Variants in ZFHX3 observed in about 807,000 individuals in gnomAD.
ZFHX3 encodes zinc finger homeobox 3.
A neutral mutation model predicts 279.1 loss-of-function variants in ZFHX3; 42 were observed. The observed-to-expected ratio is 0.15, with a 90% CI of 0.12 to 0.19. ZFHX3 has a LOEUF of 0.19. ZFHX3 is among the 10% of genes least tolerant of loss of function. The probability of loss-of-function intolerance (pLI) is 1.00; values close to 1 mark genes in which losing one functional copy is unlikely to be tolerated. For synonymous variants in ZFHX3, 2,293 were observed against 1,957.8 expected (o/e 1.17, Z -4.52); for missense variants, 4,981 against 4,754.0 (o/e 1.05, Z -1.40).
intron 6 of ZFHX3, among the ~76,000 whole-genome samples, chr16:73,131,673 G>A (rs528676180): frequency 6.6e-6 from 1 of 152,310 alleles, no homozygotes; most frequent in Admixed American, 6.5e-5. Context: ...ATTTTGCCTG[G>A]GGCCAGTACA....
chr16:73,718,960 A>G (rs2142235645), intron 1 of ZFHX3, among the ~76,000 whole-genome samples: 1 of 152,288 alleles, frequency 6.6e-6, no homozygotes, highest in East Asian at 1.9e-4. Context: ...GTCAGATCAT[A>G]TGAAATGTAT....
At chr16:72,956,235 C>T (rs913021777) in intron 2 of ZFHX3, among the ~76,000 whole-genome samples, 2 of 152,214 alleles carry the variant, frequency 1.3e-5, no homozygotes, top group Non-Finnish European at 2.9e-5. Context: ...CCTGGCCCTG[C>T]AGTCATCTAA....
At chr16:73,062,103 A>G (rs1965691206), upstream of ZFHX3, 1 of 152,152 alleles carries the variant, frequency 6.6e-6, no homozygotes, top group African/African-American at 2.4e-5. Flanking sequence ...AGGAAACAAG[A>G]AATTCAGAAT....
chr16:73,502,655 G>C (rs757586017), intron 2 of ZFHX3, among the ~76,000 whole-genome samples: 14 of 152,178 alleles, frequency 9.2e-5, no homozygotes, highest in Non-Finnish European at 1.3e-4. Flanking sequence ...GGATCTCTCG[G>C]ACACCCAGTC....
chr16:72,922,631 C>T (rs891445503), intron 3 of ZFHX3, among the ~76,000 whole-genome samples: 1 of 152,212 alleles, frequency 6.6e-6, no homozygotes, highest in African/African-American at 2.4e-5. Flanking sequence ...TACCTACAGC[C>T]TTATGGAACG....
intron 4 of ZFHX3, among the ~76,000 whole-genome samples, chr16:72,872,376 C>T (rs1225785222): frequency 1.3e-5 from 2 of 152,184 alleles, no homozygotes; most frequent in African/African-American, 4.8e-5. Context: ...TTTCTTTTTA[C>T]TCAGAATTCA....
intron 5 of ZFHX3, among the ~76,000 whole-genome samples, chr16:73,221,411 G>T (rs1038069759): frequency 1.3e-5 from 2 of 151,920 alleles, no homozygotes; most frequent in African/African-American, 4.8e-5. Flanking sequence ...ATTTTAAAAA[G>T]TTGCAATCTT....
chr16:73,733,398 T>A (rs1229576619), intron 1 of ZFHX3, among the ~76,000 whole-genome samples: 1 of 152,188 alleles, frequency 6.6e-6, no homozygotes, highest in East Asian at 1.9e-4. Flanking sequence ...AAATGACTGG[T>A]TTTTCTCAAT....
intron 2 of ZFHX3, among the ~76,000 whole-genome samples, chr16:73,509,164 T>C (rs1206210430): frequency 6.6e-6 from 1 of 152,212 alleles, no homozygotes; most frequent in Admixed American, 6.5e-5. Flanking sequence ...CGGTGACTAC[T>C]GGAATGGAAT....
chr16:73,415,950 T>C (rs1220158893), intron 3 of ZFHX3, among the ~76,000 whole-genome samples: 1 of 151,824 alleles, frequency 6.6e-6, no homozygotes, highest in Admixed American at 6.6e-5. Context: ...TGAAACCCCA[T>C]CTCTACTAAA....
chr16:72,875,240 C>T (rs1218278897), intron 4 of ZFHX3, among the ~76,000 whole-genome samples: 3 of 152,252 alleles, frequency 2.0e-5, no homozygotes, highest in Admixed American at 2.0e-4. Flanking sequence ...CCTGGCCGCT[C>T]TTCCACCTGG....
intron 2 of ZFHX3, among the ~76,000 whole-genome samples, chr16:73,623,471 A>G (rs1473212625): frequency 1.3e-5 from 2 of 152,168 alleles, no homozygotes; most frequent in Non-Finnish European, 2.9e-5. Context: ...GCCTTTAAAG[A>G]CAGGTAAATG....
Position 72,794,973 on chromosome 16 carries a change from A to G in ZFHX3, c.7709T>C (p.Leu2570Pro). The stretch of plus-strand genomic sequence containing the variant: ...ATCAAAGAGCATGAAAGGCATATCC[A>G]GGGACCTGTCCAAAAACTGGGGGTG... ...FIHPQFLDRS[L>P]DMPFMLFDPS... is the part of the protein sequence containing the mutation. The change falls in exon 9 of 10, where the codon CTG (leucine) becomes CCG (proline). Residue 2570 changes from leucine to proline, a missense_variant. Leu to Pro is a moderately conservative substitution (Grantham distance 98). This residue lies in a region of ZFHX3 where 744 missense variants were observed against 701.3 expected (regional missense o/e 1.06). Transcript: ENST00000268489. This position sits in a 1 kb window ranked among gnomAD's most constrained non-coding sequence, Gnocchi z 4.2. The G allele has an allele frequency of 1.2e-6, 2 of 1,614,192 alleles. No individual in the cohort carries two copies. Among genetic ancestry groups the G allele is most frequent in the Non-Finnish European group, 1.7e-6 (2 of 1,180,040 alleles).
intron 7 of ZFHX3, among the ~76,000 whole-genome samples, chr16:73,108,491 A>C (rs1251770274): frequency 6.6e-6 from 1 of 151,814 alleles, no homozygotes; most frequent in Non-Finnish European, 1.5e-5. Flanking sequence ...GCAGCCTCAA[A>C]CTCCTAGGCT....
intron 1 of ZFHX3, among the ~76,000 whole-genome samples, chr16:73,033,913 C>T (rs766186393): frequency 1.3e-5 from 2 of 152,148 alleles, no homozygotes; most frequent in Non-Finnish European, 2.9e-5. Flanking sequence ...ACTTCCCGGC[C>T]GCTCTGAAAG....
chr16:73,015,017 G>T (rs62053234), intron 1 of ZFHX3: 22,834 of 145,844 alleles, frequency 0.16, 2,186 homozygotes, highest in Middle Eastern at 0.25. Context: ...AAAGGCCTCA[G>T]ATGCTGTAAT....
chr16:72,855,332 A>G (rs1479440372), intron 4 of ZFHX3, among the ~76,000 whole-genome samples: 1 of 152,242 alleles, frequency 6.6e-6, no homozygotes, highest in Non-Finnish European at 1.5e-5. Context: ...CGCGTGTGAA[A>G]CAGTGTGTGT....
chr16:72,883,033 T>G (rs923347717), intron 4 of ZFHX3, among the ~76,000 whole-genome samples: 1 of 145,974 alleles, frequency 6.9e-6, no homozygotes, highest in African/African-American at 2.6e-5. Context: ...TGTGTGTGTG[T>G]GTGTGTGTGT....
At chr16:73,463,737 G>A (rs1356598585) in intron 2 of ZFHX3, among the ~76,000 whole-genome samples, 1 of 152,144 alleles carries the variant, frequency 6.6e-6, no homozygotes, top group African/African-American at 2.4e-5. Flanking sequence ...AAGCACCAGC[G>A]TAAGAACAAG....
Sources: allele counts gnomAD v4.1 joint callset (sites outside exome capture counted in the v4.1 genomes callset), GRCh38; gene constraint gnomAD v4.1.1; regional missense constraint gnomAD v4.1.1; non-coding constraint Gnocchi (gnomAD v3.1); transcripts MANE v1.5; gene names NCBI Gene and HGNC (gene_info 2026-07-23, HGNC 2026-07-21).